SLC10A2: variants seen among roughly 807,000 people sequenced by gnomAD.
SLC10A2 encodes solute carrier family 10 member 2.
Under a neutral mutation model 27.1 loss-of-function variants are expected in SLC10A2, and 34 were observed. The ratio of observed to expected loss-of-function variants is 1.26; its 90% CI spans 0.96 to 1.67. The LOEUF is 1.67. SLC10A2 is among the 40% of genes most tolerant of loss of function. The pLI is 0.00. For missense variants in SLC10A2, 530 were observed against 444.4 expected, an observed-to-expected ratio of 1.19 and a Z score of -1.73; for synonymous variants, 205 against 174.0, an observed-to-expected ratio of 1.18 and a Z score of -1.40.
chr13:103,046,372 A>C (rs1400959472), intron 5 of SLC10A2, 112 bp from the exon 6 acceptor site: 4 of 881,910 alleles, frequency 4.5e-6, no homozygotes, highest in East Asian at 2.7e-5. Flanking sequence ...TTTTCTGTAG[A>C]CTGGAGGCTG....
At chr13:103,058,113 T>A in intron 2 of SLC10A2, 151 bp downstream of exon 2, 1 of 738,754 alleles carries the variant, frequency 1.4e-6, no homozygotes, top group Non-Finnish European at 2.5e-6. Context: ...GCCATCACTC[T>A]CCAAACGCAG....
chr13:103,057,932 C>T (rs577102340), intron 2 of SLC10A2, among the ~76,000 whole-genome samples: 1 of 151,986 alleles, frequency 6.6e-6, no homozygotes, highest in African/African-American at 2.4e-5. Flanking sequence ...ATCCTATGAC[C>T]ATTAACTAGT....
chr13:103,049,362 C>T lies in SLC10A2; in HGVS notation c.846G>A (p.Glu282=), dbSNP rs746750365. ...TIVQLSFTPE[E]LNVVFTFPLI... is the part of the protein sequence containing the mutation. ...GCGGGAAGGTGAATACGACATTGAG[C>T]TCCTCAGGAGTGAAGGAGAGCTGAA... The change falls in exon 5 of 6, where the codon GAG becomes GAA. Residue 282 remains glutamate, a synonymous_variant. Coordinates refer to ENST00000245312, the MANE Select transcript of SLC10A2 (RefSeq NM_000452.3). 2.2e-5 allele frequency: 35 copies of T among 1,613,884 alleles called. No individual in the cohort carries two copies. The Middle Eastern group carries it at 8.2e-4, about 38-fold the overall frequency.
intron 4 of SLC10A2, 124 bp from the exon 5 acceptor site, chr13:103,049,570 A>G: frequency 1.1e-6 from 1 of 931,604 alleles, no homozygotes; most frequent in Admixed American, 2.0e-5. Flanking sequence ...TGTATTTAAG[A>G]TAGGCTTATT....
chr13:103,061,183 T>A (rs1876107627), intron 1 of SLC10A2, among the ~76,000 whole-genome samples: 1 of 144,652 alleles, frequency 6.9e-6, no homozygotes, highest in Non-Finnish European at 1.5e-5. Flanking sequence ...TATAGGTAAA[T>A]TTAGGCATGA....
intron 1 of SLC10A2, among the ~76,000 whole-genome samples, chr13:103,061,470 T>C (rs1048858658): frequency 6.6e-6 from 1 of 152,118 alleles, no homozygotes; most frequent in South Asian, 2.1e-4. Flanking sequence ...GTGAGGAGGA[T>C]TTATTAACTG....
rs536714297 is a variant in SLC10A2 at position 103,057,866 on chromosome 13, G to A, written c.496+398C>T. On this transcript the variant is annotated intron_variant, in intron 2 of 5. Coordinates refer to ENST00000245312, the MANE Select transcript of SLC10A2 (RefSeq NM_000452.3). ...TGCACTCCAGGCTGGGTGGCAGAGT[G>A]AGACTCCATCTCAAAAAAAAAAAAA... is the stretch of plus-strand genomic sequence containing the variant. Among the ~76,000 whole-genome samples, 4 of 151,404 alleles carry A rather than the reference G, an allele frequency of 2.6e-5. No individual in the cohort carries two copies. In the South Asian group the frequency reaches 6.3e-4, roughly 24 times the overall value.
At chr13:103,046,759 C>T (rs1464510184) in intron 5 of SLC10A2, among the ~76,000 whole-genome samples, 1 of 152,148 alleles carries the variant, frequency 6.6e-6, no homozygotes, top group Non-Finnish European at 1.5e-5. Context: ...GATCAGCATT[C>T]CTCTTTTCTG....
intron 5 of SLC10A2, among the ~76,000 whole-genome samples, chr13:103,048,974 G>A (rs560213708): frequency 1.3e-5 from 2 of 152,156 alleles, no homozygotes; most frequent in South Asian, 4.1e-4. Context: ...GTTCCTGGGC[G>A]AATGCCAGAA....
chr13:103,066,218 G>A lies in SLC10A2; in HGVS notation c.32C>T (p.Ala11Val). 1 of 1,613,300 alleles carries A rather than the reference G, an allele frequency of 6.2e-7. No individual in the cohort carries two copies. The highest frequency in any genetic ancestry group is 1.1e-5 in the South Asian group (1 of 91,046). The change falls in exon 1 of 6, where the codon GCA (alanine) becomes GTA (valine). Residue 11 changes from alanine to valine, a missense_variant. Physicochemically the swap from Ala to Val is moderately conservative, Grantham distance 64. Coordinates refer to ENST00000245312, the MANE Select transcript of SLC10A2 (RefSeq NM_000452.3). ...ACAGGATGCACCAGAGCAAACTGTT[G>A]CATTGTCCACACAGCTGTTCGGATC... MNDPNSCVDN[A>V]TVCSGASCVV...
At chr13:103,051,484 C>G (rs768313100) in intron 3 of SLC10A2, 52 bp from the exon 4 acceptor site, 17 of 1,589,952 alleles carry the variant, frequency 1.1e-5, no homozygotes, top group Non-Finnish European at 1.4e-5. Flanking sequence ...AAAGCAAATC[C>G]AAGTATGTTT....
chr13:103,059,904 C>CA (rs1876053936), intron 1 of SLC10A2, among the ~76,000 whole-genome samples: 1 of 152,150 alleles, frequency 6.6e-6, no homozygotes, highest in South Asian at 2.1e-4. Flanking sequence ...CAAAAGAAAG[C>CA]ATGCAAGCGG....
intron 4 of SLC10A2, among the ~76,000 whole-genome samples, chr13:103,050,139 A>C (rs1342682989): frequency 6.6e-6 from 1 of 152,124 alleles, no homozygotes; most frequent in Non-Finnish European, 1.5e-5. Context: ...ACAGAATGAG[A>C]CCCTGTCTCA....
At chr13:103,056,798 G>A (rs1369618950) in intron 2 of SLC10A2, among the ~76,000 whole-genome samples, 1 of 151,994 alleles carries the variant, frequency 6.6e-6, no homozygotes, top group Non-Finnish European at 1.5e-5. Flanking sequence ...GAAGAATCTT[G>A]TATATCAAAA....
chr13:103,048,251 C>T (rs1006588154), intron 5 of SLC10A2, among the ~76,000 whole-genome samples: 7 of 151,950 alleles, frequency 4.6e-5, no homozygotes, highest in African/African-American at 1.4e-4. Context: ...ATTAGCCTGT[C>T]ATGGTGGCGG....
rs1176381670 is a variant in SLC10A2, at chr13:103,044,751, A to T, written c.*1382T>A. The T allele has an allele frequency of 6.6e-6, 1 of 152,154 alleles. No individual in the cohort carries two copies. The highest frequency in any genetic ancestry group is 2.4e-5 in the African/African-American group (1 of 41,426). The allele number at this position is 152,154 out of a possible 1,614,324, so 9.4% of individuals were successfully genotyped here. ...ACTCTATGAGGCAGTGAAAATACCCAATGCAAAATGGAACAAAACCACTAA... is the reference window on the plus strand; with the variant it reads ...ACTCTATGAGGCAGTGAAAATACCCTATGCAAAATGGAACAAAACCACTAA... On this transcript the variant is annotated 3_prime_UTR_variant, in exon 6 of 6. Transcript: ENST00000245312.
rs372154569 is a variant in SLC10A2, at chr13:103,052,602, G to A, written c.585+18C>T. The A allele has an allele frequency of 3.3e-6, 5 of 1,500,672 alleles. No individual in the cohort carries two copies. Among genetic ancestry groups the A allele is most frequent in the East Asian group, 4.5e-5 (2 of 44,330 alleles). 93.0% of individuals were successfully genotyped at this position (1,500,672 alleles called of 1,614,324 possible). ...TTGTCACAGTGGAATATTTAATGGT[G>A]TGAACTGGGATACTTACTTTAAGTA... On this transcript the variant is annotated intron_variant, in intron 3 of 5. Transcript: ENST00000245312.
intron 3 of SLC10A2, among the ~76,000 whole-genome samples, chr13:103,052,240 A>C (rs1875804119): frequency 6.6e-6 from 1 of 152,232 alleles, no homozygotes; most frequent in African/African-American, 2.4e-5. Flanking sequence ...ATATGCCCTG[A>C]GGACAGAATA....
At chr13:103,065,564 C>T (rs1876246728) in intron 1 of SLC10A2, among the ~76,000 whole-genome samples, 1 of 152,112 alleles carries the variant, frequency 6.6e-6, no homozygotes, top group South Asian at 2.1e-4. Flanking sequence ...TCCTCAGCTG[C>T]AGCTTGTGGT....
Sources: gnomAD v4.1 joint callset for allele counts (sites outside exome capture counted in the v4.1 genomes callset) on GRCh38, gnomAD v4.1.1 for gene constraint, MANE v1.5 for transcripts, NCBI Gene and HGNC (gene_info 2026-07-23, HGNC 2026-07-21) for gene names.